Variants in NAALADL2 observed in about 807,000 individuals in gnomAD.
NAALADL2 encodes the protein inactive N-acetylated-alpha-linked acidic dipeptidase-like protein 2.
A neutral mutation model predicts 87.2 loss-of-function variants in NAALADL2; 76 were observed. The ratio of observed to expected loss-of-function variants is 0.87; its 90% confidence interval spans 0.72 to 1.05. NAALADL2 has a LOEUF of 1.05. Among genes scored for constraint, NAALADL2 ranks in the 50% least tolerant of loss-of-function variants. The pLI is 0.00. For missense variants in NAALADL2, 1,089 were observed against 945.8 expected, an observed-to-expected ratio of 1.15 and a Z score of -1.99; for synonymous variants, 354 against 331.0, an observed-to-expected ratio of 1.07 and a Z score of -0.75.
chr3:175,122,983 T>A (rs1726371699), intron 2 of NAALADL2, among the ~76,000 whole-genome samples: 1 of 151,908 alleles, frequency 6.6e-6, no homozygotes. Context: ...CTCATCTTTT[T>A]ATAAGGAACC....
At chr3:175,009,207 T>C (rs1749457173) in intron 1 of NAALADL2, among the ~76,000 whole-genome samples, 1 of 152,158 alleles carries the variant, frequency 6.6e-6, no homozygotes, top group Non-Finnish European at 1.5e-5. Flanking sequence ...CAGATGATGC[T>C]AATGCTGCTG....
rs189614026 is a variant in NAALADL2, at chr3:175,039,474, A to C, written c.44-57316A>C. On this transcript the variant is annotated intron_variant, in intron 1 of 13. Coordinates refer to ENST00000454872, the MANE Select transcript of NAALADL2 (RefSeq NM_207015.3). Reference sequence around the variant, plus strand: ...TCCTTTATGCAGCTCTTCCACGTTCACTCAGAACTATTCTCTCGTATGCAG... The same window carrying C: ...TCCTTTATGCAGCTCTTCCACGTTCCCTCAGAACTATTCTCTCGTATGCAG... Among the ~76,000 whole-genome samples the C allele has an allele frequency of 2.0e-5, 3 of 152,094 alleles. No homozygotes were observed. In the East Asian group the frequency reaches 5.8e-4, roughly 29 times the overall value.
chr3:175,323,495 A>T (rs914713930), intron 4 of NAALADL2, among the ~76,000 whole-genome samples: 1 of 149,588 alleles, frequency 6.7e-6, no homozygotes, highest in African/African-American at 2.5e-5. Flanking sequence ...TAATAATAAT[A>T]AAAAAAAGAA....
At chr3:175,178,948 G>C (rs1039709201) in intron 2 of NAALADL2, among the ~76,000 whole-genome samples, 1 of 151,890 alleles carries the variant, frequency 6.6e-6, no homozygotes, top group Non-Finnish European at 1.5e-5. Flanking sequence ...AATGTCACTT[G>C]ATTAAGTGAT....
chr3:175,445,197 G>A (rs1055333562), intron 5 of NAALADL2, among the ~76,000 whole-genome samples: 3 of 152,162 alleles, frequency 2.0e-5, no homozygotes, highest in Admixed American at 6.5e-5. Flanking sequence ...ATAAGTATTC[G>A]TTATTTCCTT....
intron 5 of NAALADL2, among the ~76,000 whole-genome samples, chr3:175,372,420 A>G (rs1397250825): frequency 6.6e-6 from 1 of 152,198 alleles, no homozygotes; most frequent in Non-Finnish European, 1.5e-5. Flanking sequence ...TTCTCTAAAT[A>G]TTTTTCTCAC....
intron 11 of NAALADL2, among the ~76,000 whole-genome samples, chr3:175,680,594 A>G: frequency 6.6e-6 from 1 of 152,150 alleles, no homozygotes; most frequent in Non-Finnish European, 1.5e-5. Context: ...TTTAGTCCTT[A>G]TAAGACTCTT....
In NAALADL2 at chr3:174,689,929, C is replaced by A. The variant is rs78017786; in HGVS notation, c.-114-47712C>A. 3.9e-3 allele frequency among the ~76,000 whole-genome samples: 597 copies of A among 151,604 alleles called. 7 individuals are homozygous for A. The highest frequency in any genetic ancestry group is 0.036 in the South Asian group (171 of 4,800). On this transcript the variant is annotated intron_variant, in intron 2 of 3. Transcript: ENST00000434257. ...TTCTTGGTCATCAACTACTACTGTA[C>A]CTTTTCATGCATAAAATATTTGTAT... is the stretch of plus-strand genomic sequence containing the variant.
At chr3:174,971,055 A>G (rs1475480820) in intron 1 of NAALADL2, among the ~76,000 whole-genome samples, 2 of 152,106 alleles carry the variant, frequency 1.3e-5, no homozygotes, top group South Asian at 2.1e-4. Context: ...GTGGCAAGAG[A>G]AAAATGAGGA....
chr3:175,014,104 A>T (rs973059797), intron 1 of NAALADL2, among the ~76,000 whole-genome samples: 2 of 152,120 alleles, frequency 1.3e-5, no homozygotes, highest in African/African-American at 4.8e-5. Flanking sequence ...TTACAAACAC[A>T]CACACAAACG....
At chr3:175,213,194 G>A (rs1742022083) in intron 2 of NAALADL2, among the ~76,000 whole-genome samples, 1 of 152,080 alleles carries the variant, frequency 6.6e-6, no homozygotes, top group Admixed American at 6.6e-5. Context: ...TTTAGTTAGT[G>A]GAAGAATCAA....
intron 10 of NAALADL2, among the ~76,000 whole-genome samples, chr3:175,596,202 A>T (rs1722223838): frequency 6.6e-6 from 1 of 151,920 alleles, no homozygotes; most frequent in Non-Finnish European, 1.5e-5. Context: ...GGTCTGCATG[A>T]TTATCTAATC....
At chr3:174,973,664 C>T (rs1365705432) in intron 1 of NAALADL2, among the ~76,000 whole-genome samples, 1 of 152,174 alleles carries the variant, frequency 6.6e-6, no homozygotes, top group Non-Finnish European at 1.5e-5. Flanking sequence ...CTTTCCGAAA[C>T]CTAGATGGCA....
rs1359902031 is a variant in NAALADL2 at position 175,467,187 on chromosome 3, AAAGCAAAATATACATT to A, written c.1533+6_1533+21del. ...TTGGCTCATATGAATGGGGAGAGGT[AAAGCAAAATATACATT>A]AATTACAGTGCTTTTCTTTTCTTAG... On this transcript the variant is annotated splice_donor_5th_base_variant and intron_variant, in intron 8 of 13. Coordinates refer to ENST00000454872, the MANE Select transcript of NAALADL2 (RefSeq NM_207015.3). 6.2e-7 allele frequency: 1 copy of A among 1,609,704 alleles called. No homozygotes were observed. Among genetic ancestry groups the A allele is most frequent in the Non-Finnish European group, 8.5e-7 (1 of 1,176,334 alleles).
At chr3:174,880,479 G>T (rs904637130) in intron 1 of NAALADL2, among the ~76,000 whole-genome samples, 2 of 151,876 alleles carry the variant, frequency 1.3e-5, no homozygotes, top group African/African-American at 4.8e-5. Flanking sequence ...TTTCACTAAC[G>T]CCCTCTGGTC....
At chr3:174,611,047 C>G (rs1434265046) in intron 2 of NAALADL2, among the ~76,000 whole-genome samples, 2 of 151,920 alleles carry the variant, frequency 1.3e-5, no homozygotes, top group South Asian at 4.1e-4. Flanking sequence ...TCATCATTCT[C>G]AGTAAACTAT....
intron 2 of NAALADL2, among the ~76,000 whole-genome samples, chr3:174,688,649 T>C (rs72622546): frequency 0.082 from 12,437 of 152,108 alleles, 1,095 homozygotes; most frequent in East Asian, 0.46. Flanking sequence ...AGTTTACCTT[T>C]CTGTGGGAGG....
intron 1 of NAALADL2, among the ~76,000 whole-genome samples, chr3:174,887,900 C>T (rs1010474278): frequency 1.3e-5 from 2 of 149,690 alleles, no homozygotes; most frequent in African/African-American, 4.9e-5. Context: ...TGCATTTTAA[C>T]AAAAGTAAGA....
At chr3:175,297,595 A>G (rs2110193636) in intron 4 of NAALADL2, among the ~76,000 whole-genome samples, 1 of 152,258 alleles carries the variant, frequency 6.6e-6, no homozygotes, top group Admixed American at 6.5e-5. Flanking sequence ...ATGTTTTGCT[A>G]CATTTTCAGA....
Sources: gnomAD v4.1 joint callset for allele counts (sites outside exome capture counted in the v4.1 genomes callset) on GRCh38, gnomAD v4.1.1 for gene constraint, MANE v1.5 for transcripts, NCBI Gene and HGNC (gene_info 2026-07-23, HGNC 2026-07-21) for gene names.